PILRB: variants seen among roughly 807,000 people sequenced by gnomAD.
The protein encoded by PILRB is paired immunoglobulin-like type 2 receptor beta.
Under a neutral mutation model 20.5 loss-of-function variants are expected in PILRB, and 21 were observed. The observed-to-expected ratio is 1.02, with a 90% CI of 0.72 to 1.47. The LOEUF is 1.47. Ranked by LOEUF, PILRB falls within the 40% of genes most tolerant of loss-of-function variation. PILRB has a pLI of 0.00. For synonymous variants in PILRB, 133 were observed against 115.1 expected (o/e 1.16, Z -0.99); for missense variants, 253 against 272.1 (o/e 0.93, Z 0.49).
rs368796565 is a variant in PILRB, at chr7:100,359,289, C to T, written c.455-48C>T. On this transcript the variant is annotated intron_variant, in intron 2 of 3. Coordinates refer to ENST00000609309, the MANE Select transcript of PILRB (RefSeq NM_178238.4). ...CAGCACACCATGCCTTTCATCCAGA[C>T]GCCCCACACCCCCAGAAGAGGGTCT... 134 of 1,593,266 alleles carry T rather than the reference C, an allele frequency of 8.4e-5. No individual in the cohort carries two copies. In the East Asian group the frequency reaches 1.7e-3, roughly 21 times the overall value.
At chr7:100,362,535 G>A (rs1234451943) in intron 3 of PILRB, among the ~76,000 whole-genome samples, 2 of 151,392 alleles carry the variant, frequency 1.3e-5, no homozygotes, top group Non-Finnish European at 2.9e-5. Context: ...TTGAGATGGA[G>A]CCTCGCTCTG....
At chr7:100,366,867 G>A (rs763858086) in intron 3 of PILRB, among the ~76,000 whole-genome samples, 2 of 152,070 alleles carry the variant, frequency 1.3e-5, no homozygotes, top group South Asian at 2.1e-4. Flanking sequence ...AAGGTTTTGC[G>A]GGGGCGGTTT....
At chr7:100,365,394 A>G (rs1790649634) in intron 3 of PILRB, among the ~76,000 whole-genome samples, 1 of 152,250 alleles carries the variant, frequency 6.6e-6, no homozygotes, top group South Asian at 2.1e-4. Context: ...TCACAAAAAG[A>G]TAAATACTGT....
intron 3 of PILRB, among the ~76,000 whole-genome samples, chr7:100,365,529 GT>G (rs1239861688): frequency 6.6e-6 from 1 of 152,130 alleles, no homozygotes; most frequent in Non-Finnish European, 1.5e-5. Context: ...TAGAATTTCA[GT>G]TTTACTGGCC....
Position 100,367,568 on chromosome 7 carries a change from A to C in PILRB, c.*191A>C. On this transcript the variant is annotated 3_prime_UTR_variant, in exon 4 of 4. Coordinates refer to ENST00000609309, the MANE Select transcript of PILRB (RefSeq NM_178238.4). The stretch of plus-strand genomic sequence containing the variant: ...ATCACCGACTGGAGGAGAGTTACCT[A>C]CAAGAGCCTTCATCCAGGAGCATCC... 1.7e-6 allele frequency: 1 copy of C among 605,800 alleles called. No individual in the cohort carries two copies. The highest frequency in any genetic ancestry group is 3.0e-6 in the Non-Finnish European group (1 of 332,692). 37.5% of individuals were successfully genotyped at this position (605,800 alleles called of 1,614,324 possible).
In PILRB at chr7:100,359,026, C is replaced by T; in HGVS notation, c.401C>T (p.Ser134Leu). 6.2e-7 allele frequency: 1 copy of T among 1,614,140 alleles called. No individual in the cohort carries two copies. Among genetic ancestry groups the T allele is most frequent in the Non-Finnish European group, 8.5e-7 (1 of 1,180,038 alleles). The change falls in exon 2 of 4, where the codon TCA (serine) becomes TTA (leucine). Residue 134 changes from serine (S) to leucine (L), a missense_variant. Coordinates refer to ENST00000609309, the MANE Select transcript of PILRB (RefSeq NM_178238.4). The part of the protein sequence containing the change: ...FCRVELDTRR[S>L]GRQQLQSIKG... ...CGAGTCGAGCTGGACACCCGGAGATCAGGGAGGCAGCAGTTGCAGTCCATC... is the reference window on the plus strand; with the variant it reads ...CGAGTCGAGCTGGACACCCGGAGATTAGGGAGGCAGCAGTTGCAGTCCATC...
Position 100,358,683 on chromosome 7 carries a change from C to G in PILRB, c.65-7C>G. 1 of 1,612,784 alleles carries G rather than the reference C, an allele frequency of 6.2e-7. No individual in the cohort carries two copies. Among genetic ancestry groups the G allele is most frequent in the Non-Finnish European group, 8.5e-7 (1 of 1,178,998 alleles). ...TCTCTCCCCCACTCACTCCCTCCTT[C>G]CTCTAGGTGGCTCCACAGGATCTGG... is the stretch of plus-strand genomic sequence containing the variant. On this transcript the variant is annotated splice_region_variant and splice_polypyrimidine_tract_variant and intron_variant, in intron 1 of 3. Transcript: ENST00000609309.
intron 3 of PILRB, among the ~76,000 whole-genome samples, chr7:100,363,483 A>G (rs963177593): frequency 6.6e-6 from 1 of 152,224 alleles, no homozygotes; most frequent in Non-Finnish European, 1.5e-5. Context: ...GGGAGGTGAA[A>G]GACTTGTACA....
In PILRB at chr7:100,359,333, C is replaced by G; in HGVS notation, c.455-4C>G. ...AGGGTCTGCTCATTCCTCATCTCTTCCAGCTGTCACAACCACCACCACCTG... is the reference window on the plus strand; with the variant it reads ...AGGGTCTGCTCATTCCTCATCTCTTGCAGCTGTCACAACCACCACCACCTG... On this transcript the variant is annotated splice_polypyrimidine_tract_variant and splice_region_variant and intron_variant, in intron 2 of 3. Transcript: ENST00000609309. 6.2e-7 allele frequency: 1 copy of G among 1,614,018 alleles called. No individual in the cohort carries two copies. The highest frequency in any genetic ancestry group is 8.5e-7 in the Non-Finnish European group (1 of 1,179,954).
Position 100,358,266 on chromosome 7 carries a change from C to G in PILRB, c.-37C>G. The G allele has an allele frequency of 6.2e-7, 1 of 1,610,718 alleles. No homozygotes were observed. The highest frequency in any genetic ancestry group is 8.5e-7 in the Non-Finnish European group (1 of 1,179,680). On this transcript the variant is annotated 5_prime_UTR_variant, in exon 1 of 4. Coordinates refer to ENST00000609309, the MANE Select transcript of PILRB (RefSeq NM_178238.4). ...GGGCCCCTCTCCTGCCTGGACAGCT[C>G]TGCTGGTCTCCCCGTCCCCTGGAGA...
chr7:100,358,658 T>A lies in PILRB; in HGVS notation c.65-32T>A, dbSNP rs774739419. On this transcript the variant is annotated intron_variant, in intron 1 of 3. Coordinates refer to ENST00000609309, the MANE Select transcript of PILRB (RefSeq NM_178238.4). ...TTTGTGTCCTGAGGTGGTTTCAAGG[T>A]CTCTCCCCCACTCACTCCCTCCTTC... The A allele has an allele frequency of 4.4e-6, 7 of 1,605,118 alleles. No homozygotes were observed. The East Asian group carries it at 8.9e-5, about 20-fold the overall frequency.
At position 100,358,271 on chromosome 7, in the gene PILRB, G is replaced by T. The variant is rs1790418312; in HGVS notation, c.-32G>T. 6.2e-7 allele frequency: 1 copy of T among 1,610,972 alleles called. No homozygotes were observed. Among genetic ancestry groups the T allele is most frequent in the East Asian group, 2.2e-5 (1 of 44,872 alleles). On this transcript the variant is annotated 5_prime_UTR_variant, in exon 1 of 4. Transcript: ENST00000609309. ...CCTCTCCTGCCTGGACAGCTCTGCT[G>T]GTCTCCCCGTCCCCTGGAGAAGAAC... is the stretch of plus-strand genomic sequence containing the variant.
In PILRB at chr7:100,359,424, C is replaced by CCT; in HGVS notation, c.542_543insCT (p.Trp182TyrfsTer4). On this transcript the variant is annotated frameshift_variant, in exon 3 of 4. Transcript: ENST00000609309. LOFTEE classifies it high-confidence loss of function. ...ACAGAAAGCAAAGGGCACTCAGAAT[C>CCT]ATGGCACCTAAGTCTGGACACTGCC... is the stretch of plus-strand genomic sequence containing the variant. 2 of 1,614,058 alleles carry CCT rather than the reference C, an allele frequency of 1.2e-6. No individual in the cohort carries two copies. The highest frequency in any genetic ancestry group is 4.5e-5 in the East Asian group (2 of 44,896).
In PILRB at chr7:100,359,387, G is replaced by C; in HGVS notation, c.505G>C (p.Gly169Arg). ...WRPSSTTTIA[G>R]LRVTESKGHS... ...GCCCAGCAGCACAACCACCATAGCC[G>C]GCCTCAGGGTCACAGAAAGCAAAGG... Residue 169 changes from glycine (G) to arginine (R), a missense_variant, in exon 3 of 4, where the codon GGC becomes CGC. Physicochemically the swap from Gly to Arg is moderately radical, Grantham distance 125. Coordinates refer to ENST00000609309, the MANE Select transcript of PILRB (RefSeq NM_178238.4). 1 of 1,614,102 alleles carries C rather than the reference G, an allele frequency of 6.2e-7. No homozygotes were observed. The highest frequency in any genetic ancestry group is 8.5e-7 in the Non-Finnish European group (1 of 1,180,014).
At chr7:100,362,906 CTT>C (rs1790570625) in intron 3 of PILRB, among the ~76,000 whole-genome samples, 1 of 152,052 alleles carries the variant, frequency 6.6e-6, no homozygotes, top group African/African-American at 2.4e-5. Flanking sequence ...GGCTGAAAGT[CTT>C]TCAGTCATTT....
In PILRB at chr7:100,359,432, C is replaced by A. The variant is rs755997891; in HGVS notation, c.550C>A (p.Leu184Ile). Residue 184 changes from leucine to isoleucine, a missense_variant, in exon 3 of 4, where the codon CTA (leucine) becomes ATA (isoleucine). Coordinates refer to ENST00000609309, the MANE Select transcript of PILRB (RefSeq NM_178238.4). ...CAAAGGGCACTCAGAATCATGGCAC[C>A]TAAGTCTGGACACTGCCATCAGGGT... ...ESKGHSESWHLSLDTAIRVAL... is the reference protein window; with the variant it reads ...ESKGHSESWHISLDTAIRVAL... 1.2e-6 allele frequency: 2 copies of A among 1,614,072 alleles called. No homozygotes were observed. The highest frequency in any genetic ancestry group is 1.7e-6 in the Non-Finnish European group (2 of 1,180,014).
chr7:100,359,077 A>T lies in PILRB; in HGVS notation c.452A>T (p.Gln151Leu). The change falls in exon 2 of 4, where the codon CAG (glutamine) becomes CTG (leucine). Residue 151 changes from glutamine to leucine, a missense_variant and splice_region_variant. Physicochemically the swap from Gln to Leu is moderately radical, Grantham distance 113. Transcript: ENST00000609309. The stretch of plus-strand genomic sequence containing the variant: ...AAGGGGACCAAACTCACCATCACCC[A>T]GGGTGAGTCCAGCTGCCCTGACACC... ...SIKGTKLTIT[Q>L]AVTTTTTWRP... 6.2e-7 allele frequency: 1 copy of T among 1,614,064 alleles called. No homozygotes were observed. The highest frequency in any genetic ancestry group is 8.5e-7 in the Non-Finnish European group (1 of 1,180,024).
rs146108156 is a variant in PILRB at position 100,367,458 on chromosome 7, G to A, written c.*81G>A. 221 of 768,946 alleles carry A rather than the reference G, an allele frequency of 2.9e-4. No individual in the cohort carries two copies. The African/African-American group carries it at 2.9e-3, about 10-fold the overall frequency. The allele number at this position is 768,946 out of a possible 1,614,324, so 47.6% of individuals were successfully genotyped here. A position where few individuals can be genotyped will look rare whatever the true frequency, so the allele number is the denominator to read the frequency against. ...ACCCGCTTGTGAGTCCTCCACACTCGTTCCCCATTGGCAAGATACATGGAG... is the reference window on the plus strand; with the variant it reads ...ACCCGCTTGTGAGTCCTCCACACTCATTCCCCATTGGCAAGATACATGGAG... On this transcript the variant is annotated 3_prime_UTR_variant, in exon 4 of 4. Coordinates refer to ENST00000609309, the MANE Select transcript of PILRB (RefSeq NM_178238.4).
rs73161748 is a variant in PILRB at position 100,367,608 on chromosome 7, T to A, written c.*231T>A. 3 of 573,732 alleles carry A rather than the reference T, an allele frequency of 5.2e-6. No homozygotes were observed. Among genetic ancestry groups the A allele is most frequent in the East Asian group, 5.7e-5 (2 of 35,042 alleles). The allele number at this position is 573,732 out of a possible 1,614,324, so 35.5% of individuals were successfully genotyped here. On this transcript the variant is annotated 3_prime_UTR_variant, in exon 4 of 4. Coordinates refer to ENST00000609309, the MANE Select transcript of PILRB (RefSeq NM_178238.4). ...CAGGAGCATCCACACTGCAATGATA[T>A]AGGAATGAGGTCTGAACTCCACTGA...
Sources: gnomAD v4.1 joint callset for allele counts (sites outside exome capture counted in the v4.1 genomes callset) on GRCh38, gnomAD v4.1.1 for gene constraint, MANE v1.5 for transcripts, NCBI Gene and HGNC (gene_info 2026-07-23, HGNC 2026-07-21) for gene names.